The following ATRNL1 variants were observed in gnomAD, a reference collection of about 807,000 sequenced individuals.
ATRNL1 encodes attractin-like protein 1.
ATRNL1 carries 95 observed loss-of-function variants against 182.7 expected under a neutral mutation model. That is an observed-to-expected ratio of 0.52 (90% CI 0.44 to 0.62). The LOEUF (loss-of-function observed/expected upper bound fraction) is 0.62, where lower values mean the gene tolerates loss of function less well. Ranked by LOEUF, ATRNL1 falls within the 20% of genes least tolerant of loss-of-function variation. The pLI, the probability that ATRNL1 is intolerant of heterozygous loss-of-function variation, is 0.00. For missense variants in ATRNL1, 1,471 were observed against 1,679.5 expected (o/e 0.88, Z 2.17); for synonymous variants, 576 against 568.3 (o/e 1.01, Z -0.19).
At chr10:115,137,565 A>G (rs1845571345) in intron 5 of ATRNL1, among the ~76,000 whole-genome samples, 1 of 152,214 alleles carries the variant, frequency 6.6e-6, no homozygotes, top group Non-Finnish European at 1.5e-5. Flanking sequence ...CATGTCTCAC[A>G]TGGCAGCAGA....
chr10:115,149,826 A>G (rs1231915272), intron 5 of ATRNL1, among the ~76,000 whole-genome samples: 1 of 148,016 alleles, frequency 6.8e-6, no homozygotes, highest in Non-Finnish European at 1.5e-5. Flanking sequence ...GTTTGGTGTT[A>G]GGTTAATCCT....
chr10:115,656,902 C>T (rs1036785006), intron 26 of ATRNL1, among the ~76,000 whole-genome samples: 10 of 152,144 alleles, frequency 6.6e-5, no homozygotes, highest in Non-Finnish European at 1.5e-4. Flanking sequence ...GTTTTAATTA[C>T]TCCTTCTTAA....
chr10:115,598,758 C>A (rs1223172137), intron 26 of ATRNL1, among the ~76,000 whole-genome samples: 1 of 151,900 alleles, frequency 6.6e-6, no homozygotes, highest in African/African-American at 2.4e-5. Flanking sequence ...TTCTTTAATA[C>A]CTGACTCAAT....
chr10:115,340,916 G>T (rs1292868546), intron 19 of ATRNL1, among the ~76,000 whole-genome samples: 2 of 151,166 alleles, frequency 1.3e-5, no homozygotes, highest in African/African-American at 4.9e-5. Context: ...TGTCTTCTCT[G>T]TTTTTTCTTA....
chr10:115,845,735 T>C (rs1012134052), intron 27 of ATRNL1, among the ~76,000 whole-genome samples: 1 of 151,748 alleles, frequency 6.6e-6, no homozygotes, highest in Non-Finnish European at 1.5e-5. Flanking sequence ...ATATGCTGAA[T>C]AGTATCAGTT....
chr10:115,810,835 A>T (rs1027744070), intron 27 of ATRNL1, among the ~76,000 whole-genome samples: 6 of 151,714 alleles, frequency 4.0e-5, no homozygotes, highest in African/African-American at 1.4e-4. Flanking sequence ...TGTCTGTAGG[A>T]ACTATAGTGA....
intron 14 of ATRNL1, among the ~76,000 whole-genome samples, chr10:115,283,275 G>T (rs1319812496): frequency 6.6e-6 from 1 of 151,998 alleles, no homozygotes; most frequent in Non-Finnish European, 1.5e-5. Context: ...TTAGCTGGGT[G>T]TGGTGGTGGG....
At chr10:115,916,939 T>G (rs1952873853) in intron 28 of ATRNL1, among the ~76,000 whole-genome samples, 2 of 152,224 alleles carry the variant, frequency 1.3e-5, no homozygotes, top group African/African-American at 4.8e-5. Context: ...ACTGGCCCCC[T>G]GTCAGGAACT....
At chr10:115,527,992 CCCTCCCTTCCTTCCTTCCTTCCTT>C (rs1851332650) in intron 25 of ATRNL1, among the ~76,000 whole-genome samples, 1 of 48,316 alleles carries the variant, frequency 2.1e-5, no homozygotes, top group African/African-American at 1.0e-4. Flanking sequence ...CTCCCTCCCT[CCCTCCCTTCCTTCCTTCCTTCCTT>C]CCTTCCTTCC....
intron 27 of ATRNL1, among the ~76,000 whole-genome samples, chr10:115,845,163 C>A (rs1411201449): frequency 6.6e-6 from 1 of 151,928 alleles, no homozygotes; most frequent in African/African-American, 2.4e-5. Flanking sequence ...CATATTTTTG[C>A]TAATATCCTT....
At chr10:115,374,339 CATTT>C (rs1156486482) in intron 19 of ATRNL1, among the ~76,000 whole-genome samples, 6 of 150,854 alleles carry the variant, frequency 4.0e-5, no homozygotes, top group Admixed American at 3.3e-4. Context: ...GTTCCTATTT[CATTT>C]ATTTATTTAT....
At chr10:115,941,244 G>A (rs1215574889) in intron 28 of ATRNL1, among the ~76,000 whole-genome samples, 1 of 152,180 alleles carries the variant, frequency 6.6e-6, no homozygotes, top group Non-Finnish European at 1.5e-5. Flanking sequence ...AAATAAGCAT[G>A]ATTTGCAATT....
chr10:115,651,587 G>C (rs1225134072), intron 26 of ATRNL1, among the ~76,000 whole-genome samples: 1 of 152,120 alleles, frequency 6.6e-6, no homozygotes, highest in South Asian at 2.1e-4. Flanking sequence ...CTTCCTGGAT[G>C]TGTAGGTTAA....
chr10:115,292,094 T>C (rs934421318), intron 15 of ATRNL1, among the ~76,000 whole-genome samples: 3 of 151,986 alleles, frequency 2.0e-5, no homozygotes, highest in Non-Finnish European at 2.9e-5. Flanking sequence ...CTAGGTTTCA[T>C]GTGTACAGAA....
intron 28 of ATRNL1, among the ~76,000 whole-genome samples, chr10:115,877,931 G>A (rs1393017719): frequency 6.6e-6 from 1 of 152,194 alleles, no homozygotes; most frequent in Non-Finnish European, 1.5e-5. Flanking sequence ...AGAGTCTTGT[G>A]TGGGATTCAG....
chr10:115,479,804 GTAC>G (rs1848684032), intron 24 of ATRNL1, among the ~76,000 whole-genome samples: 1 of 151,178 alleles, frequency 6.6e-6, no homozygotes, highest in Non-Finnish European at 1.5e-5. Context: ...ATAGAAAAAA[GTAC>G]TACTGTAGCG....
chr10:115,419,315 A>G (rs1185128897), intron 20 of ATRNL1, among the ~76,000 whole-genome samples: 1 of 152,228 alleles, frequency 6.6e-6, no homozygotes, highest in Non-Finnish European at 1.5e-5. Flanking sequence ...AATAAAACAC[A>G]TTACTAGAGT....
chr10:115,268,689 A>G (rs1379248729), intron 13 of ATRNL1, among the ~76,000 whole-genome samples: 2 of 152,210 alleles, frequency 1.3e-5, no homozygotes, highest in Non-Finnish European at 1.5e-5. Flanking sequence ...GAGACTGGGA[A>G]CATTTTTTCA....
At chr10:115,200,071 T>C (rs2144294485) in intron 8 of ATRNL1, among the ~76,000 whole-genome samples, 1 of 152,178 alleles carries the variant, frequency 6.6e-6, no homozygotes, top group South Asian at 2.1e-4. Context: ...TGAACTAATC[T>C]AGTGATTAAA....
Sources: allele counts gnomAD v4.1 joint callset (sites outside exome capture counted in the v4.1 genomes callset), GRCh38; gene constraint gnomAD v4.1.1; transcripts MANE v1.5; gene names NCBI Gene and HGNC (gene_info 2026-07-23, HGNC 2026-07-21).